The following DNM3 variants were observed in gnomAD, a reference collection of about 807,000 sequenced individuals.
DNM3 encodes the protein dynamin-3.
A neutral mutation model predicts 101.6 loss-of-function variants in DNM3; 47 were observed. The observed-to-expected ratio is 0.46, with a 90% CI of 0.37 to 0.59. The LOEUF (loss-of-function observed/expected upper bound fraction) is 0.59, where lower values mean the gene tolerates loss of function less well. DNM3 is among the 20% of genes least tolerant of loss of function. The pLI is 0.00. For missense variants in DNM3, 849 were observed against 1,085.7 expected, an observed-to-expected ratio of 0.78 and a Z score of 3.06; for synonymous variants, 385 against 387.9, an observed-to-expected ratio of 0.99 and a Z score of 0.09.
chr1:171,995,880 A>G (rs1204417529), intron 4 of DNM3, among the ~76,000 whole-genome samples: 1 of 152,124 alleles, frequency 6.6e-6, no homozygotes, highest in African/African-American at 2.4e-5. Flanking sequence ...TCTGAGAGGT[A>G]GTGTATTTTA....
chr1:172,059,220 A>G (rs1193843742), intron 10 of DNM3, among the ~76,000 whole-genome samples: 3 of 145,054 alleles, frequency 2.1e-5, no homozygotes, highest in East Asian at 4.1e-4. Flanking sequence ...ACCAACCAAA[A>G]AGAGTCCAGG....
At chr1:172,375,940 T>C (rs1170901937) in intron 17 of DNM3, among the ~76,000 whole-genome samples, 3 of 151,698 alleles carry the variant, frequency 2.0e-5, no homozygotes, top group African/African-American at 7.3e-5. Context: ...TGCAGTGAGC[T>C]ATGATCACGC....
intron 1 of DNM3, among the ~76,000 whole-genome samples, chr1:171,919,809 T>A (rs917312057): frequency 6.6e-6 from 1 of 152,204 alleles, no homozygotes; most frequent in Non-Finnish European, 1.5e-5. Context: ...AACTCCAATG[T>A]AGTTTATCTT....
At chr1:172,360,542 A>G in intron 17 of DNM3, among the ~76,000 whole-genome samples, 1 of 151,922 alleles carries the variant, frequency 6.6e-6, no homozygotes, top group Non-Finnish European at 1.5e-5. Flanking sequence ...CTAAATATTC[A>G]AGCTCTCCCT....
At chr1:172,001,905 G>A (rs2046380836) in intron 4 of DNM3, among the ~76,000 whole-genome samples, 2 of 151,916 alleles carry the variant, frequency 1.3e-5, no homozygotes, top group African/African-American at 2.4e-5. Context: ...TTGACCTTTG[G>A]CAACATTTAG....
At chr1:172,075,695 C>T (rs918209629) in intron 11 of DNM3, among the ~76,000 whole-genome samples, 1 of 152,164 alleles carries the variant, frequency 6.6e-6, no homozygotes, top group Non-Finnish European at 1.5e-5. Flanking sequence ...GTACCAGTAC[C>T]ATGCTGTTGT....
intron 17 of DNM3, among the ~76,000 whole-genome samples, chr1:172,372,038 T>G (rs1008672764): frequency 6.8e-6 from 1 of 146,460 alleles, no homozygotes; most frequent in Non-Finnish European, 1.5e-5. Context: ...TAGCATTAGG[T>G]ATATCTCCCA....
At chr1:172,324,176 T>G (rs1260984015) in intron 17 of DNM3, among the ~76,000 whole-genome samples, 5 of 152,194 alleles carry the variant, frequency 3.3e-5, no homozygotes, top group African/African-American at 1.2e-4. Flanking sequence ...TTTGTTTTCT[T>G]ATTTTTTCTA....
chr1:172,064,551 G>T (rs2051500872), intron 10 of DNM3, among the ~76,000 whole-genome samples: 1 of 152,128 alleles, frequency 6.6e-6, no homozygotes, highest in African/African-American at 2.4e-5. Context: ...ATGAGATAAT[G>T]AAATGAGTGG....
chr1:172,363,716 C>A (rs2067865684), intron 17 of DNM3, among the ~76,000 whole-genome samples: 1 of 151,872 alleles, frequency 6.6e-6, no homozygotes, highest in Non-Finnish European at 1.5e-5. Flanking sequence ...CACCACATGT[C>A]ATCTCATCTC....
chr1:172,379,459 A>C (rs2068776927), intron 18 of DNM3, among the ~76,000 whole-genome samples: 1 of 152,054 alleles, frequency 6.6e-6, no homozygotes, highest in Non-Finnish European at 1.5e-5. Context: ...AAAACACCAT[A>C]ATCCTGGGCA....
chr1:172,333,799 T>C (rs2066297931), intron 17 of DNM3, among the ~76,000 whole-genome samples: 2 of 152,210 alleles, frequency 1.3e-5, no homozygotes, highest in African/African-American at 4.8e-5. Flanking sequence ...TAGGGATATC[T>C]AATTGTGAAA....
intron 2 of DNM3, among the ~76,000 whole-genome samples, chr1:171,960,518 G>A (rs1043719158): frequency 1.3e-5 from 2 of 152,196 alleles, no homozygotes; most frequent in Non-Finnish European, 2.9e-5. Flanking sequence ...CGGACTTTAA[G>A]AGGTGATTGG....
rs76847442 is a variant in DNM3 at position 172,397,519 on chromosome 1, G to A, written c.2522+8710G>A. Among the ~76,000 whole-genome samples, 37 of 152,268 alleles carry A rather than the reference G, an allele frequency of 2.4e-4. No individual in the cohort carries two copies. The East Asian group carries it at 6.7e-3, about 28-fold the overall frequency. On this transcript the variant is annotated intron_variant, in intron 20 of 20. Transcript: ENST00000627582. The stretch of plus-strand genomic sequence containing the variant: ...GATTAGCTTACTTAAGTGTTCTACA[G>A]TTCAGTTCGGGAATCTTTAATGAAG...
At position 172,067,346 on chromosome 1, in the gene DNM3, T is replaced by C. The variant is rs552652142; in HGVS notation, c.1336-1473T>C. ...TAAGTCATGAATGTGCCCACTTTTCTCCATTTCCATTGCTGTCATCCCAGT... is the reference window on the plus strand; with the variant it reads ...TAAGTCATGAATGTGCCCACTTTTCCCCATTTCCATTGCTGTCATCCCAGT... On this transcript the variant is annotated intron_variant, in intron 10 of 20. Transcript: ENST00000627582. 4.6e-5 allele frequency among the ~76,000 whole-genome samples: 7 copies of C among 152,314 alleles called. No homozygotes were observed. The East Asian group carries it at 1.3e-3, about 29-fold the overall frequency.
intron 14 of DNM3, among the ~76,000 whole-genome samples, chr1:172,232,601 C>T (rs956444170): frequency 1.3e-5 from 2 of 152,234 alleles, no homozygotes; most frequent in East Asian, 1.9e-4. Context: ...CTCAGCACCA[C>T]ACCACACTTG....
chr1:172,291,228 G>C (rs2063900068), intron 15 of DNM3, among the ~76,000 whole-genome samples: 1 of 152,162 alleles, frequency 6.6e-6, no homozygotes, highest in Admixed American at 6.5e-5. Flanking sequence ...TGGGAGTGAA[G>C]AAAGGTCTAG....
At chr1:171,947,473 T>G (rs2042242152) in intron 2 of DNM3, among the ~76,000 whole-genome samples, 1 of 152,134 alleles carries the variant, frequency 6.6e-6, no homozygotes, top group South Asian at 2.1e-4. Context: ...GTTTAAGTGT[T>G]TTAAATTTCA....
intron 1 of DNM3, among the ~76,000 whole-genome samples, chr1:171,920,227 G>C (rs948522576): frequency 2.0e-5 from 3 of 152,074 alleles, no homozygotes; most frequent in African/African-American, 7.2e-5. Context: ...TAAACACTTG[G>C]GTTTTGGAGC....
Sources: gnomAD v4.1 joint callset for allele counts (sites outside exome capture counted in the v4.1 genomes callset) on GRCh38, gnomAD v4.1.1 for gene constraint, MANE v1.5 for transcripts, NCBI Gene and HGNC (gene_info 2026-07-23, HGNC 2026-07-21) for gene names.